The following TRPM3 variants were observed in gnomAD, a reference collection of about 807,000 sequenced individuals.
TRPM3 encodes the protein long transient receptor potential channel 3.
Under a neutral mutation model 181.2 loss-of-function variants are expected in TRPM3, and 77 were observed. The observed-to-expected ratio is 0.42, with a 90% CI of 0.35 to 0.51. The LOEUF (loss-of-function observed/expected upper bound fraction) is 0.51, where lower values mean the gene tolerates loss of function less well. TRPM3 is among the 20% of genes least tolerant of loss of function. The pLI, the probability that TRPM3 is intolerant of heterozygous loss-of-function variation, is 0.01. For synonymous variants in TRPM3, 745 were observed against 796.4 expected, an observed-to-expected ratio of 0.94 and a Z score of 1.09; for missense variants, 1,759 against 2,196.7, an observed-to-expected ratio of 0.80 and a Z score of 3.98.
rs1045421450 is a variant in TRPM3 at position 70,785,700 on chromosome 9, T to A, written c.974-1421A>T. ...TCGGGTAAAGGATATTTTTGACTTA[T>A]GTGACCTGTTTTACTTCTAAAGCAT... On this transcript the variant is annotated intron_variant, in intron 6 of 25. Transcript: ENST00000677713. Among the ~76,000 whole-genome samples the A allele has an allele frequency of 4.6e-5, 7 of 152,366 alleles. No homozygotes were observed. In the South Asian group the frequency reaches 1.2e-3, roughly 27 times the overall value.
intron 1 of TRPM3, among the ~76,000 whole-genome samples, chr9:71,227,067 C>T (rs1462248938): frequency 6.9e-6 from 1 of 145,646 alleles, no homozygotes; most frequent in African/African-American, 2.6e-5. Context: ...CGAGATCATG[C>T]CATTGCACTC....
At chr9:70,619,663 C>T (rs1271302133) in intron 16 of TRPM3, among the ~76,000 whole-genome samples, 1 of 152,016 alleles carries the variant, frequency 6.6e-6, no homozygotes, top group African/African-American at 2.4e-5. Flanking sequence ...GATCCACACA[C>T]CTCAGCCTCC....
At chr9:71,274,127 C>A (rs1397540359) in intron 1 of TRPM3, among the ~76,000 whole-genome samples, 1 of 152,196 alleles carries the variant, frequency 6.6e-6, no homozygotes, top group East Asian at 1.9e-4. Flanking sequence ...ATGCTCCAGG[C>A]TGCTCAAAGC....
chr9:71,048,469 T>C (rs1471225606), intron 1 of TRPM3, among the ~76,000 whole-genome samples: 2 of 152,190 alleles, frequency 1.3e-5, no homozygotes, highest in Non-Finnish European at 2.9e-5. Flanking sequence ...CATGCATGAA[T>C]AGTCCAATCC....
At chr9:71,375,339 G>T (rs1462387893) in intron 1 of TRPM3, among the ~76,000 whole-genome samples, 1 of 152,128 alleles carries the variant, frequency 6.6e-6, no homozygotes, top group Admixed American at 6.6e-5. Flanking sequence ...AACTGAAACT[G>T]GACCCCTTCC....
In TRPM3 at chr9:71,407,070, T is replaced by C. The variant is rs547004287; in HGVS notation, c.183+39583A>G. Among the ~76,000 whole-genome samples the C allele has an allele frequency of 7.9e-5, 12 of 152,304 alleles. No individual in the cohort carries two copies. The South Asian group carries it at 1.9e-3, about 24-fold the overall frequency. ...CTCCTAGATGGTTTTATGTTTCCTA[T>C]CTAGCTCAGAATCGGAAAAATCAAT... On this transcript the variant is annotated intron_variant, in intron 1 of 24. Transcript: ENST00000357533.
intron 12 of TRPM3, among the ~76,000 whole-genome samples, chr9:70,631,253 C>G (rs1028791985): frequency 6.6e-6 from 1 of 152,122 alleles, no homozygotes; most frequent in African/African-American, 2.4e-5. Context: ...GGCAATATAT[C>G]GGGCAACCAA....
chr9:71,235,920 G>A (rs2131935565), intron 1 of TRPM3, among the ~76,000 whole-genome samples: 1 of 152,246 alleles, frequency 6.6e-6, no homozygotes, highest in South Asian at 2.1e-4. Flanking sequence ...TACTACATAT[G>A]CCTAGGATCG....
rs887122127 is a variant in TRPM3, at chr9:70,839,089, C to G, written c.801+3914G>C. Among the ~76,000 whole-genome samples, 4 of 152,074 alleles carry G rather than the reference C, an allele frequency of 2.6e-5. No homozygotes were observed. The South Asian group carries it at 8.3e-4, about 32-fold the overall frequency. ...CAGATGCTTGGTTAAAAAATGTCCC[C>G]ACTGTAGTCACAATCATGTGATGCA... On this transcript the variant is annotated intron_variant, in intron 5 of 25. Coordinates refer to ENST00000677713, the MANE Select transcript of TRPM3 (RefSeq NM_001366145.2).
intron 1 of TRPM3, among the ~76,000 whole-genome samples, chr9:70,962,389 A>G (rs1405342275): frequency 6.6e-6 from 1 of 152,152 alleles, no homozygotes; most frequent in African/African-American, 2.4e-5. Flanking sequence ...GTTAAAAGCC[A>G]GGCTCATAAT....
chr9:71,399,526 G>A (rs12377995), intron 1 of TRPM3, among the ~76,000 whole-genome samples: 1 of 62,684 alleles, frequency 1.6e-5, no homozygotes, highest in Admixed American at 2.1e-4. Flanking sequence ...ATTTTCTTTT[G>A]TTTTTTTTTT....
At chr9:71,020,107 A>C (rs1366465813) in intron 1 of TRPM3, among the ~76,000 whole-genome samples, 1 of 152,082 alleles carries the variant, frequency 6.6e-6, no homozygotes, top group Non-Finnish European at 1.5e-5. Flanking sequence ...CAATATTTCT[A>C]TAATCTTGGG....
intron 1 of TRPM3, among the ~76,000 whole-genome samples, chr9:71,104,266 C>T (rs1313595753): frequency 6.6e-6 from 1 of 152,170 alleles, no homozygotes; most frequent in Admixed American, 6.5e-5. Flanking sequence ...GGACACATTC[C>T]TAGTGGCACA....
At chr9:70,831,419 T>C (rs1169312322) in intron 5 of TRPM3, among the ~76,000 whole-genome samples, 1 of 148,446 alleles carries the variant, frequency 6.7e-6, no homozygotes, top group Non-Finnish European at 1.5e-5. Context: ...ATTGTGTGTG[T>C]GTGTGGTAAG....
intron 1 of TRPM3, among the ~76,000 whole-genome samples, chr9:70,916,476 CAA>C (rs2096595838): frequency 6.6e-6 from 1 of 152,044 alleles, no homozygotes; most frequent in South Asian, 2.1e-4. Context: ...ATAGAAACAA[CAA>C]AAAGTTAAAA....
intron 5 of TRPM3, among the ~76,000 whole-genome samples, chr9:70,830,599 T>C (rs62547572): frequency 0.029 from 4,384 of 152,286 alleles, 88 homozygotes; most frequent in Middle Eastern, 0.058. Flanking sequence ...GGGATAAAAA[T>C]TGAAAAATAA....
chr9:71,298,691 A>C (rs2086511495), intron 1 of TRPM3, among the ~76,000 whole-genome samples: 1 of 152,128 alleles, frequency 6.6e-6, no homozygotes, highest in Non-Finnish European at 1.5e-5. Context: ...AGGTAGCAAC[A>C]CAGGAGACAC....
intron 1 of TRPM3, among the ~76,000 whole-genome samples, chr9:71,120,940 A>G (rs2073505737): frequency 6.6e-6 from 1 of 151,766 alleles, no homozygotes; most frequent in Non-Finnish European, 1.5e-5. Context: ...TCTGAGACCA[A>G]AATCTCCTTC....
intron 1 of TRPM3, among the ~76,000 whole-genome samples, chr9:70,965,088 TAC>T (rs1283992913): frequency 6.6e-6 from 1 of 152,038 alleles, no homozygotes; most frequent in East Asian, 1.9e-4. Context: ...CCAGAATAGC[TAC>T]AGTGTCATGC....
Sources: gnomAD v4.1 joint callset for allele counts (sites outside exome capture counted in the v4.1 genomes callset) on GRCh38, gnomAD v4.1.1 for gene constraint, MANE v1.5 for transcripts, NCBI Gene and HGNC (gene_info 2026-07-23, HGNC 2026-07-21) for gene names.